HIPK2: variants seen among roughly 807,000 people sequenced by gnomAD.
HIPK2 encodes the protein homeodomain interacting protein kinase 2.
In HIPK2, 27 loss-of-function variants were observed where a neutral mutation model predicts 113.7. The observed-to-expected ratio is 0.24, with a 90% confidence interval of 0.17 to 0.33. The LOEUF is 0.33. Among genes scored for constraint, HIPK2 ranks in the 10% least tolerant of loss-of-function variants. The pLI is 1.00. For synonymous variants in HIPK2, 631 were observed against 642.2 expected (o/e 0.98, Z 0.26); for missense variants, 1,257 against 1,588.0 (o/e 0.79, Z 3.54).
Position 139,716,115 on chromosome 7 carries a change from T to C in HIPK2, c.920A>G (p.Gln307Arg). The change falls in exon 2 of 15, where the codon CAG (glutamine) becomes CGG (arginine). Residue 307 changes from glutamine to arginine, a missense_variant. Gln to Arg is a conservative substitution (Grantham distance 43). Transcript: ENST00000406875. The surrounding 1 kb of genome is among the most constrained non-coding windows in gnomAD (Gnocchi z 9.3). ...GAGTTTCATCAGGGCTGTGGCTACC[T>C]GCTGGAGAACTGGGCGAATGTATTT... ...PLKYIRPVLQ[Q>R]VATALMKLKS... The C allele has an allele frequency of 6.2e-7, 1 of 1,614,148 alleles. No homozygotes were observed. Among genetic ancestry groups the C allele is most frequent in the Non-Finnish European group, 8.5e-7 (1 of 1,179,974 alleles).
chr7:139,674,686 T>C (rs10277603), intron 2 of HIPK2, among the ~76,000 whole-genome samples: 79,324 of 152,140 alleles, frequency 0.52, 21,660 homozygotes, highest in Non-Finnish European at 0.6. Flanking sequence ...AATCAATTAG[T>C]CTTCTGTTTT....
At chr7:139,639,957 T>C (rs981046152) in intron 2 of HIPK2, among the ~76,000 whole-genome samples, 3 of 152,098 alleles carry the variant, frequency 2.0e-5, no homozygotes, top group Non-Finnish European at 4.4e-5. Context: ...CTGTTCTCGG[T>C]TCGGTTTCAG....
intron 2 of HIPK2, among the ~76,000 whole-genome samples, chr7:139,707,426 A>G (rs1794935389): frequency 6.6e-6 from 1 of 152,258 alleles, no homozygotes; most frequent in African/African-American, 2.4e-5. Context: ...CCCTGTCTGC[A>G]CTGCTGCGAC....
intron 2 of HIPK2, among the ~76,000 whole-genome samples, chr7:139,686,113 T>G (rs1794209170): frequency 6.6e-6 from 1 of 152,148 alleles, no homozygotes. Context: ...CATGTCAACA[T>G]TAATAGGAGT....
intron 1 of HIPK2, among the ~76,000 whole-genome samples, chr7:139,723,135 A>T (rs1221087605): frequency 6.6e-6 from 1 of 151,912 alleles, no homozygotes; most frequent in Non-Finnish European, 1.5e-5. Context: ...AAGAATATCT[A>T]AAAATCTTCA....
At chr7:139,705,691 A>G (rs1794872374) in intron 2 of HIPK2, among the ~76,000 whole-genome samples, 1 of 152,172 alleles carries the variant, frequency 6.6e-6, no homozygotes, top group African/African-American at 2.4e-5. Context: ...AAAAAGAACA[A>G]TAAGCCTCAG....
intron 1 of HIPK2, among the ~76,000 whole-genome samples, chr7:139,737,302 C>T (rs79287598): frequency 0.017 from 2,542 of 152,172 alleles, 69 homozygotes; most frequent in African/African-American, 0.057. Flanking sequence ...ATAATAAGCC[C>T]GTTGATTTCT....
At chr7:139,706,696 T>C (rs1002245721) in intron 2 of HIPK2, among the ~76,000 whole-genome samples, 1 of 152,078 alleles carries the variant, frequency 6.6e-6, no homozygotes. Context: ...ACACGGGAGG[T>C]AGAGATCCCC....
At chr7:139,659,637 C>T (rs1313696464) in intron 2 of HIPK2, among the ~76,000 whole-genome samples, 2 of 152,232 alleles carry the variant, frequency 1.3e-5, no homozygotes, top group Non-Finnish European at 2.9e-5. Flanking sequence ...CTCTTTATTC[C>T]CTGTCCTTGG....
intron 1 of HIPK2, among the ~76,000 whole-genome samples, chr7:139,761,906 A>C (rs573742546): frequency 2.0e-5 from 3 of 152,292 alleles, no homozygotes; most frequent in South Asian, 2.1e-4. Flanking sequence ...AAAAGACCTA[A>C]GAGATGTAAC....
At chr7:139,576,933 C>A (rs1270211775) in intron 13 of HIPK2, among the ~76,000 whole-genome samples, 1 of 152,176 alleles carries the variant, frequency 6.6e-6, no homozygotes, top group African/African-American at 2.4e-5. Context: ...AGAAGAGATG[C>A]TTTACTAGCC....
intron 2 of HIPK2, among the ~76,000 whole-genome samples, chr7:139,641,797 G>A (rs1259509232): frequency 1.3e-5 from 2 of 152,178 alleles, no homozygotes; most frequent in Non-Finnish European, 2.9e-5. Context: ...CATTTACATA[G>A]TTCACTGACA....
intron 10 of HIPK2, among the ~76,000 whole-genome samples, chr7:139,600,893 C>T (rs1025071444): frequency 6.6e-6 from 1 of 152,184 alleles, no homozygotes; most frequent in Admixed American, 6.5e-5. Context: ...TAAATATTCC[C>T]TCCAACTTTT....
At chr7:139,584,117 AC>A in intron 12 of HIPK2, 53 bp from the exon 13 acceptor site, 2 of 1,542,714 alleles carry the variant, frequency 1.3e-6, no homozygotes, top group South Asian at 2.5e-5. Flanking sequence ...GAGGTGAGAC[AC>A]CCAACTAGCA....
At chr7:139,677,344 G>A (rs1266026721) in intron 2 of HIPK2, among the ~76,000 whole-genome samples, 1 of 152,028 alleles carries the variant, frequency 6.6e-6, no homozygotes, top group African/African-American at 2.4e-5. Context: ...TGGGTAAAGT[G>A]ACTTCATTTA....
intron 1 of HIPK2, among the ~76,000 whole-genome samples, chr7:139,728,684 G>T (rs1168540729): frequency 6.6e-6 from 1 of 152,192 alleles, no homozygotes; most frequent in East Asian, 1.9e-4. Context: ...AATTTGGCAG[G>T]GGGGAAACAC....
intron 2 of HIPK2, among the ~76,000 whole-genome samples, chr7:139,674,063 CAA>C (rs112116239): frequency 1.3e-4 from 13 of 99,152 alleles, no homozygotes; most frequent in Admixed American, 2.1e-4. Flanking sequence ...GAGACTGTCT[CAA>C]AAAAAAAAAA....
At chr7:139,757,213 G>A (rs1569485190) in intron 1 of HIPK2, among the ~76,000 whole-genome samples, 1 of 152,122 alleles carries the variant, frequency 6.6e-6, no homozygotes, top group East Asian at 1.9e-4. Flanking sequence ...CCACATATCA[G>A]TCAAAACTGC....
intron 5 of HIPK2, among the ~76,000 whole-genome samples, chr7:139,627,489 G>A (rs180718524): frequency 3.3e-5 from 5 of 152,312 alleles, no homozygotes; most frequent in Non-Finnish European, 7.3e-5. Context: ...AAGACAGGCA[G>A]GATATCTGAA....
Sources: allele counts gnomAD v4.1 joint callset (sites outside exome capture counted in the v4.1 genomes callset), GRCh38; gene constraint gnomAD v4.1.1; non-coding constraint Gnocchi (gnomAD v3.1); transcripts MANE v1.5; gene names NCBI Gene and HGNC (gene_info 2026-07-23, HGNC 2026-07-21).